Variants in KANSL1 observed in about 807,000 individuals in gnomAD.
KANSL1 encodes the protein MLL1/MLL complex subunit KANSL1.
Under a neutral mutation model 103.6 loss-of-function variants are expected in KANSL1, and 22 were observed. That is an observed-to-expected ratio of 0.21 (90% confidence interval 0.15 to 0.30). The LOEUF is 0.30. Ranked by LOEUF, KANSL1 falls within the 10% of genes least tolerant of loss-of-function variation. The probability of loss-of-function intolerance (pLI) is 1.00; values close to 1 mark genes in which losing one functional copy is unlikely to be tolerated. For synonymous variants in KANSL1, 600 were observed against 527.6 expected, an observed-to-expected ratio of 1.14 and a Z score of -1.88; for missense variants, 1,337 against 1,399.8, an observed-to-expected ratio of 0.96 and a Z score of 0.72.
chr17:46,180,730 C>T (rs1017628613), intron 1 of KANSL1, among the ~76,000 whole-genome samples: 4 of 152,008 alleles, frequency 2.6e-5, no homozygotes, highest in African/African-American at 9.7e-5. Context: ...CCAGGTGCAG[C>T]GGCTCAGACA....
chr17:46,125,750 G>GTGTGAT (rs1598691388), intron 2 of KANSL1, among the ~76,000 whole-genome samples: 1 of 152,164 alleles, frequency 6.6e-6, no homozygotes, highest in Non-Finnish European at 1.5e-5. Flanking sequence ...TGATCAATTA[G>GTGTGAT]TGTGATTATG....
intron 2 of KANSL1, among the ~76,000 whole-genome samples, chr17:46,148,590 C>CTTTTTT (rs373641135): frequency 1.3e-3 from 183 of 145,180 alleles, no homozygotes; most frequent in Non-Finnish European, 2.2e-3. Flanking sequence ...CTTCACTTAC[C>CTTTTTT]TTTTTTTTTT....
At chr17:46,131,191 CATTT>C (rs748557447) in intron 2 of KANSL1, among the ~76,000 whole-genome samples, 1 of 152,180 alleles carries the variant, frequency 6.6e-6, no homozygotes, top group Non-Finnish European at 1.5e-5. Flanking sequence ...CTGGTTTTTA[CATTT>C]ATTTAAGTCC....
At chr17:46,079,346 G>A (rs905225441) in intron 4 of KANSL1, among the ~76,000 whole-genome samples, 5 of 152,188 alleles carry the variant, frequency 3.3e-5, no homozygotes, top group African/African-American at 1.2e-4. Context: ...TCCTTGCAGT[G>A]TACCACTGGG....
chr17:46,161,512 C>T (rs1402415964), intron 2 of KANSL1, among the ~76,000 whole-genome samples: 1 of 152,094 alleles, frequency 6.6e-6, no homozygotes, highest in East Asian at 1.9e-4. Context: ...AGGTTTAAGA[C>T]TAATTCAGTC....
chr17:46,168,038 A>G (rs948277706), intron 2 of KANSL1, among the ~76,000 whole-genome samples: 5 of 152,250 alleles, frequency 3.3e-5, no homozygotes, highest in Non-Finnish European at 5.9e-5. Flanking sequence ...GCAAAAGAGT[A>G]AAATACAGAC....
At chr17:46,073,111 T>C (rs1190720684) in intron 4 of KANSL1, among the ~76,000 whole-genome samples, 1 of 152,244 alleles carries the variant, frequency 6.6e-6, no homozygotes, top group Non-Finnish European at 1.5e-5. Context: ...TCACTGTCCC[T>C]AGAGACTGCA....
intron 6 of KANSL1, among the ~76,000 whole-genome samples, chr17:46,057,315 T>G (rs947517165): frequency 6.6e-6 from 1 of 152,120 alleles, no homozygotes; most frequent in African/African-American, 2.4e-5. Context: ...TAGAGGATAG[T>G]AGAAAACTAA....
chr17:46,078,397 C>CT (rs1204603436), intron 4 of KANSL1, among the ~76,000 whole-genome samples: 6 of 152,210 alleles, frequency 3.9e-5, no homozygotes, highest in Non-Finnish European at 7.3e-5. Context: ...AAAATCTTCC[C>CT]TAAACATGTG....
intron 2 of KANSL1, among the ~76,000 whole-genome samples, chr17:46,137,968 G>A (rs1405046791): frequency 6.6e-6 from 1 of 152,076 alleles, no homozygotes; most frequent in African/African-American, 2.4e-5. Flanking sequence ...GTTAAAATTT[G>A]TTCTCAAGCC....
intron 7 of KANSL1, chr17:46,045,194 C>A (rs1278120009): frequency 6.6e-6 from 1 of 152,150 alleles, no homozygotes; most frequent in Non-Finnish European, 1.5e-5. Flanking sequence ...CCCAAGACTT[C>A]AGGGGGTGTG....
intron 10 of KANSL1, among the ~76,000 whole-genome samples, chr17:46,036,444 AC>A (rs1306783896): frequency 1.3e-5 from 2 of 152,242 alleles, no homozygotes; most frequent in Admixed American, 1.3e-4. Context: ...TTGTGTCTGT[AC>A]TGAAAAGGTA....
chr17:46,197,180 C>T (rs1341425879), upstream of KANSL1, among the ~76,000 whole-genome samples: 3 of 152,204 alleles, frequency 2.0e-5, no homozygotes, highest in Non-Finnish European at 4.4e-5. Context: ...TTCCCTCTTA[C>T]ACACAGCTCT....
rs1219522567 is a variant in KANSL1, at chr17:46,146,855, AAAG to A, written c.1289+23997_1289+23999del. On this transcript the variant is annotated intron_variant, in intron 2 of 14. Coordinates refer to ENST00000432791, the MANE Select transcript of KANSL1 (RefSeq NM_015443.4). ...CTCAAAAAAAAAAAAAAAAAAAAAA[AAAG>A]AAGTTGACAGGCCTAAAAGGTTTCA... Among the ~76,000 whole-genome samples the A allele has an allele frequency of 1.8e-5, 2 of 112,456 alleles. 1 individual carries two copies. The highest frequency in any genetic ancestry group is 1.9e-4 in the Admixed American group (2 of 10,370). The allele number at this position is 112,456 out of a possible 152,430, so 73.8% of individuals were successfully genotyped here.
rs1304244642 is a variant in KANSL1, at chr17:46,031,466, T to G, written c.*10A>C. The G allele has an allele frequency of 1.3e-6, 2 of 1,588,704 alleles. No homozygotes were observed. The highest frequency in any genetic ancestry group is 3.5e-5 in the Admixed American group (2 of 57,818). On this transcript the variant is annotated 3_prime_UTR_variant, in exon 15 of 15. Transcript: ENST00000432791. ...TAGTTAGTGAGTCTGTTTAGATGGC[T>G]GTCTCCCGCTCATCTGTGAGTCGGG... is the stretch of plus-strand genomic sequence containing the variant.
intron 2 of KANSL1, chr17:46,152,832 T>C (rs957932239): frequency 4.6e-5 from 7 of 152,234 alleles, no homozygotes; most frequent in Non-Finnish European, 1.0e-4. Context: ...TGTTAAGTAT[T>C]TGTAAAATAA....
chr17:46,201,659 C>T (rs1390247331), intron 1 of KANSL1, among the ~76,000 whole-genome samples: 1 of 151,812 alleles, frequency 6.6e-6, no homozygotes, highest in Non-Finnish European at 1.5e-5. Flanking sequence ...ATCATTTGAG[C>T]CCTGGAGTTC....
At chr17:46,225,171 G>C, upstream of KANSL1, among the ~76,000 whole-genome samples, 1 of 151,460 alleles carries the variant, frequency 6.6e-6, no homozygotes, top group Non-Finnish European at 1.5e-5. Context: ...CAGGGCCCTC[G>C]GCGGCGCCCG....
intron 2 of KANSL1, among the ~76,000 whole-genome samples, chr17:46,110,261 T>A (rs1284276473): frequency 6.6e-6 from 1 of 152,262 alleles, no homozygotes; most frequent in African/African-American, 2.4e-5. Flanking sequence ...AGAAGGTTTA[T>A]GTTTTACTTC....
Sources: gnomAD v4.1 joint callset for allele counts (sites outside exome capture counted in the v4.1 genomes callset) on GRCh38, gnomAD v4.1.1 for gene constraint, MANE v1.5 for transcripts, NCBI Gene and HGNC (gene_info 2026-07-23, HGNC 2026-07-21) for gene names.